TRAPPC8: variants seen among roughly 807,000 people sequenced by gnomAD.
TRAPPC8 encodes the protein trafficking protein particle complex subunit 8.
A neutral mutation model predicts 174.3 loss-of-function variants in TRAPPC8; 54 were observed. The ratio of observed to expected loss-of-function variants is 0.31; its 90% CI spans 0.25 to 0.39. The LOEUF is 0.39. Ranked by LOEUF, TRAPPC8 falls within the 10% of genes least tolerant of loss-of-function variation. TRAPPC8 has a pLI of 1.00. For synonymous variants in TRAPPC8, 630 were observed against 579.9 expected (o/e 1.09, Z -1.24); for missense variants, 1,531 against 1,699.1 (o/e 0.90, Z 1.74).
intron 12 of TRAPPC8, among the ~76,000 whole-genome samples, chr18:31,887,285 C>G (rs1215835024): frequency 6.6e-6 from 1 of 152,136 alleles, no homozygotes; most frequent in East Asian, 1.9e-4. Flanking sequence ...ACATTTTTGA[C>G]AAAATTCAAC....
At chr18:31,837,049 A>C (rs147187389) in intron 27 of TRAPPC8, among the ~76,000 whole-genome samples, 6,186 of 152,096 alleles carry the variant, frequency 0.041, 176 homozygotes, top group Non-Finnish European at 0.057. Context: ...GGCGTGAGCC[A>C]CCGCGCCCGG....
chr18:31,912,413 C>A (rs2036951294), intron 5 of TRAPPC8, among the ~76,000 whole-genome samples: 1 of 151,988 alleles, frequency 6.6e-6, no homozygotes, highest in Non-Finnish European at 1.5e-5. Flanking sequence ...ACTGCTTGAA[C>A]ATGGGAAGTG....
chr18:31,869,002 C>CTT lies in TRAPPC8; in HGVS notation c.2388+1368_2388+1369dup, dbSNP rs111488120. ...TGGGTTATTTCCCAGTTCCAAAATC[C>CTT]TTTTTTTTTTTTTGCCACATTATTA... On this transcript the variant is annotated intron_variant, in intron 16 of 28. Transcript: ENST00000283351. 6.2e-3 allele frequency among the ~76,000 whole-genome samples: 871 copies of CTT among 141,416 alleles called. 11 individuals carry two copies. The highest frequency in any genetic ancestry group is 0.021 in the African/African-American group (831 of 38,856). The allele number at this position is 141,416 out of a possible 152,430, so 92.8% of individuals were successfully genotyped here. A position where few individuals can be genotyped will look rare whatever the true frequency, so the allele number is the denominator to read the frequency against.
At position 31,855,589 on chromosome 18, in the gene TRAPPC8, AACCACT is replaced by A. The variant is rs1363793500; in HGVS notation, c.3336+65_3336+70del. On this transcript the variant is annotated intron_variant, in intron 21 of 28. Coordinates refer to ENST00000283351, the MANE Select transcript of TRAPPC8 (RefSeq NM_014939.5). ...ATGCTGTCTTGTAAAGGAAAACAAA[AACCACT>A]ACTAAACACAAGGGAAACACTTCAA... 7 of 1,395,478 alleles carry A rather than the reference AACCACT, an allele frequency of 5.0e-6. No individual in the cohort carries two copies. In the Admixed American group the frequency reaches 1.3e-4, roughly 25 times the overall value. 86.4% of individuals were successfully genotyped at this position (1,395,478 alleles called of 1,614,324 possible).
intron 7 of TRAPPC8, among the ~76,000 whole-genome samples, 162 bp downstream of exon 7, chr18:31,908,592 T>C (rs2036766302): frequency 1.3e-5 from 2 of 152,252 alleles, no homozygotes; most frequent in Admixed American, 6.6e-5. Flanking sequence ...AAGCCTCTTC[T>C]AGAGTTGAAC....
chr18:31,940,289 A>T (rs1215442605), intron 1 of TRAPPC8, among the ~76,000 whole-genome samples: 1 of 151,898 alleles, frequency 6.6e-6, no homozygotes, highest in Non-Finnish European at 1.5e-5. Context: ...AGCCTGGCCA[A>T]CATGGTGAAA....
At chr18:31,846,968 T>G in intron 25 of TRAPPC8, 151 bp from the exon 26 acceptor site, 1 of 489,230 alleles carries the variant, frequency 2.0e-6, no homozygotes, top group Non-Finnish European at 3.6e-6. Flanking sequence ...CTTTTAGTTA[T>G]TCATTCAATC....
At chr18:31,897,478 T>G (rs1029229518) in intron 11 of TRAPPC8, among the ~76,000 whole-genome samples, 4 of 152,196 alleles carry the variant, frequency 2.6e-5, no homozygotes, top group South Asian at 2.1e-4. Flanking sequence ...TTAGGAACAA[T>G]GCACATGCAT....
chr18:31,895,199 A>T (rs1242225658), intron 11 of TRAPPC8, among the ~76,000 whole-genome samples: 2 of 152,192 alleles, frequency 1.3e-5, no homozygotes, highest in African/African-American at 4.8e-5. Context: ...TATGTAACTC[A>T]ATTCTCCAGC....
intron 21 of TRAPPC8, among the ~76,000 whole-genome samples, chr18:31,854,420 T>C (rs2033882902): frequency 6.6e-6 from 1 of 152,180 alleles, no homozygotes; most frequent in African/African-American, 2.4e-5. Flanking sequence ...TTAATTCTCC[T>C]GAATAAAAGC....
chr18:31,931,710 C>T (rs1272269976), intron 1 of TRAPPC8, among the ~76,000 whole-genome samples, 187 bp from the exon 2 acceptor site: 1 of 152,076 alleles, frequency 6.6e-6, no homozygotes, highest in Non-Finnish European at 1.5e-5. Flanking sequence ...GCTAGCTAGA[C>T]AGTTTATTAA....
At chr18:31,929,354 T>C (rs1486774236) in intron 2 of TRAPPC8, among the ~76,000 whole-genome samples, 1 of 151,970 alleles carries the variant, frequency 6.6e-6, no homozygotes, top group East Asian at 1.9e-4. Flanking sequence ...AGTGAGACCC[T>C]GTCTCTACAA....
intron 1 of TRAPPC8, among the ~76,000 whole-genome samples, chr18:31,936,154 T>C (rs1568158953): frequency 6.6e-6 from 1 of 151,900 alleles, no homozygotes; most frequent in African/African-American, 2.4e-5. Context: ...CATATAAAAC[T>C]TTACCATATT....
chr18:31,852,402 TA>T (rs869307988), intron 24 of TRAPPC8, 43 bp downstream of exon 24: 3 of 1,595,976 alleles, frequency 1.9e-6, no homozygotes, highest in Non-Finnish European at 1.7e-6. Context: ...AGATATGCTA[TA>T]ACTATGACTT....
chr18:31,873,652 GA>G (rs1358909997), intron 13 of TRAPPC8, 114 bp from the exon 14 acceptor site: 4 of 657,846 alleles, frequency 6.1e-6, no homozygotes, highest in Non-Finnish European at 7.7e-6. Context: ...AGAATATTAA[GA>G]TATGTAATTA....
At chr18:31,905,472 T>C (rs374334538) in intron 9 of TRAPPC8, among the ~76,000 whole-genome samples, 11 of 152,208 alleles carry the variant, frequency 7.2e-5, no homozygotes, top group African/African-American at 2.7e-4. Context: ...CTTTCTTCTA[T>C]GATCAGCTTC....
intron 27 of TRAPPC8, among the ~76,000 whole-genome samples, chr18:31,838,372 G>A (rs572947513): frequency 2.6e-5 from 4 of 152,130 alleles, no homozygotes; most frequent in Non-Finnish European, 4.4e-5. Flanking sequence ...CCCTTCTTTA[G>A]CGCAAAGCAA....
At position 31,928,336 on chromosome 18, in the gene TRAPPC8, T is replaced by TACACACACACAC. The variant is rs34570497; in HGVS notation, c.352+2981_352+2992dup. Among the ~76,000 whole-genome samples the TACACACACACAC allele has an allele frequency of 4.4e-4, 63 of 142,954 alleles. 1 individual carries two copies. Among genetic ancestry groups the TACACACACACAC allele is most frequent in the East Asian group, 4.2e-4 (2 of 4,742 alleles). The allele number at this position is 142,954 out of a possible 152,430, so 93.8% of individuals were successfully genotyped here. ...AATAAACACAGCGAGACCTTATCTC[T>TACACACACACAC]ACACACACACACACACACACACACA... is the stretch of plus-strand genomic sequence containing the variant. On this transcript the variant is annotated intron_variant, in intron 2 of 28. Coordinates refer to ENST00000283351, the MANE Select transcript of TRAPPC8 (RefSeq NM_014939.5).
intron 12 of TRAPPC8, among the ~76,000 whole-genome samples, chr18:31,877,767 T>C (rs2035232219): frequency 6.7e-6 from 1 of 149,188 alleles, no homozygotes; most frequent in Admixed American, 6.7e-5. Context: ...CTACTAAAAA[T>C]ACAAAATTAG....
Sources: gnomAD v4.1 joint callset for allele counts (sites outside exome capture counted in the v4.1 genomes callset) on GRCh38, gnomAD v4.1.1 for gene constraint, MANE v1.5 for transcripts, NCBI Gene and HGNC (gene_info 2026-07-23, HGNC 2026-07-21) for gene names.